Variants in CLDN14 observed in about 807,000 individuals in gnomAD.
CLDN14 encodes the protein claudin-14.
CLDN14 carries 2 observed loss-of-function variants against 2.1 expected under a neutral mutation model. The observed-to-expected ratio is 0.96, with a 90% CI of 0.39 to 3.01. The LOEUF (loss-of-function observed/expected upper bound fraction) is 3.01. Among genes scored for constraint, CLDN14 ranks in the 30% most tolerant of loss-of-function variants. The pLI, the probability that CLDN14 is intolerant of heterozygous loss-of-function variation, is 0.09. For synonymous variants in CLDN14, 136 were observed against 154.4 expected, an observed-to-expected ratio of 0.88 and a Z score of 0.88; for missense variants, 298 against 328.0, an observed-to-expected ratio of 0.91 and a Z score of 0.71.
chr21:36,523,805 A>AAGAC (rs2087297397), intron 1 of CLDN14, among the ~76,000 whole-genome samples: 1 of 90,062 alleles, frequency 1.1e-5, no homozygotes, highest in African/African-American at 4.5e-5. Flanking sequence ...GAAAGAAAGA[A>AAGAC]AGAAAGAAAG....
At chr21:36,507,469 A>G (rs1325038422) in intron 2 of CLDN14, among the ~76,000 whole-genome samples, 1 of 152,142 alleles carries the variant, frequency 6.6e-6, no homozygotes, top group Admixed American at 6.5e-5. Flanking sequence ...GGTTACTTCA[A>G]TAAAAAAAGG....
At chr21:36,553,974 T>G (rs1436867755) in intron 1 of CLDN14, among the ~76,000 whole-genome samples, 1 of 151,982 alleles carries the variant, frequency 6.6e-6, no homozygotes, top group African/African-American at 2.4e-5. Context: ...GTCCTGGAGG[T>G]GGCCTTCAAT....
At chr21:36,470,637 A>G (rs537990424) in intron 1 of CLDN14, among the ~76,000 whole-genome samples, 5 of 152,332 alleles carry the variant, frequency 3.3e-5, no homozygotes, top group East Asian at 3.9e-4. Context: ...GCCCCAGGAA[A>G]CAAACACAGC....
At chr21:36,506,816 A>C (rs113007625) in intron 2 of CLDN14, among the ~76,000 whole-genome samples, 2 of 152,018 alleles carry the variant, frequency 1.3e-5, no homozygotes, top group African/African-American at 4.8e-5. Context: ...TATCTATTGC[A>C]GAGCATCAAG....
intron 2 of CLDN14, chr21:36,487,758 G>A (rs1338624541): frequency 6.6e-6 from 1 of 152,174 alleles, no homozygotes; most frequent in Non-Finnish European, 1.5e-5. Flanking sequence ...TTATCTACCC[G>A]GCACCCATCA....
At position 36,461,108 on chromosome 21, in the gene CLDN14, G is replaced by T. The variant is rs144371384; in HGVS notation, c.588C>A (p.Ala196=). Reference sequence around the variant, plus strand: ...CAGTGGTCGTGGTGGCCCTGGGCGGGGCCTGGTAGGGCCTGTAGGGTGCCT... The same window carrying T: ...CAGTGGTCGTGGTGGCCCTGGGCGGTGCCTGGTAGGGCCTGTAGGGTGCCT... The part of the protein sequence containing the change: ...QDEAPYRPYQ[A]PPRATTTTAN... The change falls in exon 2 of 2, where the codon GCC becomes GCA. Residue 196 remains alanine, a synonymous_variant. Transcript: ENST00000399135. 242 of 1,614,046 alleles carry T rather than the reference G, an allele frequency of 1.5e-4. No homozygotes were observed. The highest frequency in any genetic ancestry group is 2.0e-4 in the Non-Finnish European group (234 of 1,180,016).
At chr21:36,545,263 G>A (rs2087519240) in intron 1 of CLDN14, among the ~76,000 whole-genome samples, 1 of 152,194 alleles carries the variant, frequency 6.6e-6, no homozygotes, top group Non-Finnish European at 1.5e-5. Flanking sequence ...AGGTGGAGTG[G>A]GTAGAAATGA....
intron 1 of CLDN14, among the ~76,000 whole-genome samples, chr21:36,543,569 C>T (rs2087506848): frequency 6.6e-6 from 1 of 152,184 alleles, no homozygotes; most frequent in Admixed American, 6.5e-5. Context: ...ATGTTCTGGG[C>T]ACTATAATAA....
chr21:36,479,396 G>C (rs901358174), intron 1 of CLDN14, 99 bp downstream of exon 1: 5 of 152,254 alleles, frequency 3.3e-5, no homozygotes, highest in African/African-American at 7.2e-5. Flanking sequence ...ACCCCTGGCT[G>C]CATGCACATC....
At chr21:36,482,420 G>A (rs1366655777), upstream of CLDN14, among the ~76,000 whole-genome samples, 6 of 142,806 alleles carry the variant, frequency 4.2e-5, 1 homozygote, top group East Asian at 2.2e-4. Flanking sequence ...ACGGATGGAT[G>A]GATGGATGGA....
intron 1 of CLDN14, among the ~76,000 whole-genome samples, chr21:36,465,223 G>A (rs895434976): frequency 1.3e-5 from 2 of 152,168 alleles, no homozygotes; most frequent in African/African-American, 2.4e-5. Context: ...AGCATAATGG[G>A]GCTTCTTGCA....
chr21:36,554,655 C>T (rs1247127161), intron 1 of CLDN14, among the ~76,000 whole-genome samples: 3 of 152,098 alleles, frequency 2.0e-5, no homozygotes, highest in South Asian at 4.1e-4. Flanking sequence ...AGGTCAGAGT[C>T]GGCATTCTGA....
upstream of CLDN14, among the ~76,000 whole-genome samples, chr21:36,481,478 A>G (rs2086844428): frequency 6.6e-6 from 1 of 152,232 alleles, no homozygotes; most frequent in South Asian, 2.1e-4. Context: ...AGTTCATTAC[A>G]TTTAGTTTAC....
At chr21:36,495,675 G>A (rs1333419007) in intron 2 of CLDN14, among the ~76,000 whole-genome samples, 1 of 152,250 alleles carries the variant, frequency 6.6e-6, no homozygotes, top group African/African-American at 2.4e-5. Context: ...AGGCTAAGAA[G>A]CAAGGGTGAT....
intron 2 of CLDN14, among the ~76,000 whole-genome samples, chr21:36,485,393 G>A (rs190264460): frequency 2.0e-5 from 3 of 152,186 alleles, no homozygotes; most frequent in East Asian, 3.9e-4. Context: ...ATTTTTAGTA[G>A]AGACAGGGTT....
chr21:36,462,377 C>T lies in CLDN14; in HGVS notation c.-81-601G>A, dbSNP rs568367754. 1.3e-3 allele frequency among the ~76,000 whole-genome samples: 198 copies of T among 152,214 alleles called. 1 individual carries two copies. The Middle Eastern group carries it at 0.014, about 10-fold the overall frequency. ...CAAGGTCACAGCTCCTCAGGAGCTG[C>T]GGCAGGAGCACGGGCCAGCATCCCT... On this transcript the variant is annotated intron_variant, in intron 1 of 1. Transcript: ENST00000399135.
intron 1 of CLDN14, chr21:36,532,334 G>A (rs1268048210): frequency 6.6e-6 from 1 of 151,692 alleles, no homozygotes; most frequent in African/African-American, 2.4e-5. Flanking sequence ...CCATGCGGTT[G>A]GAATGCTAGC....
intron 1 of CLDN14, among the ~76,000 whole-genome samples, chr21:36,547,709 G>A (rs2087535527): frequency 6.6e-6 from 1 of 152,196 alleles, no homozygotes; most frequent in Admixed American, 6.5e-5. Flanking sequence ...CTTCTGGGCA[G>A]CAGACAGGAG....
chr21:36,522,639 G>A (rs146028147), intron 1 of CLDN14, among the ~76,000 whole-genome samples: 2 of 152,320 alleles, frequency 1.3e-5, no homozygotes, highest in African/African-American at 4.8e-5. Context: ...GGAGAACAGC[G>A]CAAGAAGATG....
Sources: allele counts gnomAD v4.1 joint callset (sites outside exome capture counted in the v4.1 genomes callset), GRCh38; gene constraint gnomAD v4.1.1; transcripts MANE v1.5; gene names NCBI Gene and HGNC (gene_info 2026-07-23, HGNC 2026-07-21).